CTNNA2: variants seen among roughly 807,000 people sequenced by gnomAD.
CTNNA2 encodes catenin alpha 2, also known as catenin alpha-2.
CTNNA2 carries 42 observed loss-of-function variants against 101.0 expected under a neutral mutation model. The ratio of observed to expected loss-of-function variants is 0.42; its 90% CI spans 0.32 to 0.54. The LOEUF is 0.54. Among genes scored for constraint, CTNNA2 ranks in the 20% least tolerant of loss-of-function variants. The probability of loss-of-function intolerance (pLI) is 0.14; values close to 1 mark genes in which losing one functional copy is unlikely to be tolerated. For synonymous variants in CTNNA2, 450 were observed against 456.4 expected (o/e 0.99, Z 0.18); for missense variants, 871 against 1,223.1 (o/e 0.71, Z 4.29).
chr2:79,481,540 C>T (rs1019729269), intron 4 of CTNNA2, among the ~76,000 whole-genome samples: 2 of 151,946 alleles, frequency 1.3e-5, no homozygotes, highest in Non-Finnish European at 2.9e-5. Flanking sequence ...GTTAAGAGAG[C>T]GGATCTTAGT....
At chr2:80,333,483 T>C (rs553387657) in intron 7 of CTNNA2, among the ~76,000 whole-genome samples, 1 of 152,276 alleles carries the variant, frequency 6.6e-6, no homozygotes, top group South Asian at 2.1e-4. Context: ...TCAAAATACT[T>C]GGTAGAGTGA....
At position 80,561,938 on chromosome 2, in the gene CTNNA2, A is replaced by C. The variant is rs1693639269; in HGVS notation, c.1741+6045A>C. Among the ~76,000 whole-genome samples the C allele has an allele frequency of 2.6e-5, 4 of 151,418 alleles. No homozygotes were observed. The South Asian group carries it at 8.4e-4, about 32-fold the overall frequency. On this transcript the variant is annotated intron_variant, in intron 12 of 18. Coordinates refer to ENST00000402739, the MANE Select transcript of CTNNA2 (RefSeq NM_001282597.3). ...TAATCTGCCTACCTCGGCCTCTCAA[A>C]GTGCTGGGATTACAGGCATGAGCCA...
intron 7 of CTNNA2, among the ~76,000 whole-genome samples, chr2:80,075,906 A>G (rs530258104): frequency 2.0e-5 from 3 of 151,586 alleles, no homozygotes; most frequent in East Asian, 1.9e-4. Context: ...TGAAATGCTT[A>G]CTCATCACTA....
In CTNNA2 at chr2:79,973,128, T is replaced by C. The variant is rs138830435; in HGVS notation, c.1056+63331T>C. ...AATAAATTCTCTATTTTCCTTTCTA[T>C]GTAATGCTAAAAAGATTACTGTCTT... On this transcript the variant is annotated intron_variant, in intron 7 of 18. Transcript: ENST00000402739. Among the ~76,000 whole-genome samples the C allele has an allele frequency of 1.9e-3, 288 of 152,344 alleles. 2 individuals are homozygous for C. Among genetic ancestry groups the C allele is most frequent in the Middle Eastern group, 3.4e-3 (1 of 294 alleles).
intron 2 of CTNNA2, among the ~76,000 whole-genome samples, chr2:79,721,464 C>T (rs1686486011): frequency 6.6e-6 from 1 of 152,208 alleles, no homozygotes; most frequent in Admixed American, 6.5e-5. Context: ...AATTACCTCC[C>T]ATTTCCAATC....
chr2:79,351,632 T>C (rs1677389657), intron 3 of CTNNA2, among the ~76,000 whole-genome samples: 2 of 152,112 alleles, frequency 1.3e-5, no homozygotes, highest in Non-Finnish European at 2.9e-5. Context: ...TTGTTCCCAT[T>C]TTTATGACCA....
At chr2:80,534,274 C>G (rs1690797948) in intron 9 of CTNNA2, among the ~76,000 whole-genome samples, 1 of 152,034 alleles carries the variant, frequency 6.6e-6, no homozygotes, top group South Asian at 2.1e-4. Flanking sequence ...GAACAAATTT[C>G]TTCGTTGTAC....
chr2:79,476,825 G>T (rs1318856509), intron 4 of CTNNA2, among the ~76,000 whole-genome samples: 1 of 152,156 alleles, frequency 6.6e-6, no homozygotes, highest in African/African-American at 2.4e-5. Context: ...GGTCCCATGG[G>T]TACACTCATC....
chr2:79,905,269 T>A (rs1215816265), intron 6 of CTNNA2, among the ~76,000 whole-genome samples: 1 of 152,012 alleles, frequency 6.6e-6, no homozygotes, highest in Non-Finnish European at 1.5e-5. Context: ...TAGATTAACT[T>A]AAAACATAAG....
At chr2:79,352,861 G>C (rs1322706160) in intron 3 of CTNNA2, among the ~76,000 whole-genome samples, 2 of 152,150 alleles carry the variant, frequency 1.3e-5, no homozygotes, top group Non-Finnish European at 2.9e-5. Context: ...AGCTATGCAG[G>C]CTTCTGCTTC....
intron 3 of CTNNA2, among the ~76,000 whole-genome samples, chr2:79,344,810 AT>A (rs1451035998): frequency 1.2e-4 from 18 of 145,998 alleles, no homozygotes; most frequent in Non-Finnish European, 1.6e-4. Flanking sequence ...CTATATATAT[AT>A]TTATATATAT....
chr2:80,576,588 A>G, intron 13 of CTNNA2, among the ~76,000 whole-genome samples: 1 of 151,982 alleles, frequency 6.6e-6, no homozygotes, highest in Non-Finnish European at 1.5e-5. Flanking sequence ...TTCTAGGAGA[A>G]ATACAGGGTT....
intron 2 of CTNNA2, among the ~76,000 whole-genome samples, chr2:79,245,823 C>T (rs1188202173): frequency 6.6e-6 from 1 of 152,146 alleles, no homozygotes. Context: ...GCTTCAGGTG[C>T]AAACCCTGGT....
intron 3 of CTNNA2, among the ~76,000 whole-genome samples, chr2:79,370,570 A>G (rs1348361268): frequency 1.3e-5 from 2 of 152,028 alleles, no homozygotes; most frequent in East Asian, 3.8e-4. Flanking sequence ...AAATGAACCT[A>G]TCTTTGCACT....
chr2:79,210,088 T>TTG (rs59836500), intron 2 of CTNNA2, among the ~76,000 whole-genome samples: 14,673 of 144,758 alleles, frequency 0.1, 781 homozygotes, highest in Middle Eastern at 0.2. Context: ...TCAAGCTATA[T>TTG]TGTGTGTGTG....
chr2:79,874,058 C>A lies in CTNNA2; in HGVS notation c.586-18C>A, dbSNP rs1436026236. ...CAAATTTCATGTGTGTGACAGCTTTCATGTGTTACACACACAGGAGCTGAA... is the reference window on the plus strand; with the variant it reads ...CAAATTTCATGTGTGTGACAGCTTTAATGTGTTACACACACAGGAGCTGAA... On this transcript the variant is annotated intron_variant, in intron 5 of 18. Transcript: ENST00000402739. 5 of 1,612,262 alleles carry A rather than the reference C, an allele frequency of 3.1e-6. No individual in the cohort carries two copies.
chr2:79,599,429 A>G lies in CTNNA2; in HGVS notation c.-5-52123A>G, dbSNP rs115775764. On this transcript the variant is annotated intron_variant, in intron 1 of 18. Transcript: ENST00000402739. ...TTGAACATAAAAATAAATCTCATGG[A>G]TATTTTTATGAATACATAATGCACA... is the stretch of plus-strand genomic sequence containing the variant. Among the ~76,000 whole-genome samples the G allele has an allele frequency of 1.5e-3, 236 of 152,290 alleles. 1 individual carries two copies. Among genetic ancestry groups the G allele is most frequent in the African/African-American group, 5.3e-3 (219 of 41,566 alleles).
At position 79,533,854 on chromosome 2, in the gene CTNNA2, A is replaced by G. The variant is rs1025706521; in HGVS notation, c.-6+20647A>G. On this transcript the variant is annotated intron_variant, in intron 1 of 18. Transcript: ENST00000402739. ...CACAATTAAACTACACTTAAATATC[A>G]TATATCCATATATCCTACATTAATT... 2.6e-5 allele frequency among the ~76,000 whole-genome samples: 4 copies of G among 152,252 alleles called. No individual in the cohort carries two copies. In the South Asian group the frequency reaches 6.2e-4, roughly 24 times the overall value.
intron 3 of CTNNA2, among the ~76,000 whole-genome samples, chr2:79,818,673 C>CT (rs1335337927): frequency 6.6e-6 from 1 of 151,616 alleles, no homozygotes; most frequent in East Asian, 1.9e-4. Flanking sequence ...AACTCCTAAA[C>CT]CCTGAAATCT....
Sources: gnomAD v4.1 joint callset for allele counts (sites outside exome capture counted in the v4.1 genomes callset) on GRCh38, gnomAD v4.1.1 for gene constraint, MANE v1.5 for transcripts, NCBI Gene and HGNC (gene_info 2026-07-23, HGNC 2026-07-21) for gene names.